B4GALNT3: variants seen among roughly 807,000 people sequenced by gnomAD.
B4GALNT3 encodes the protein beta-1,4-N-acetylgalactosaminyltransferase 3.
A neutral mutation model predicts 120.2 loss-of-function variants in B4GALNT3; 86 were observed. That is an observed-to-expected ratio of 0.72 (90% CI 0.60 to 0.86). The LOEUF (loss-of-function observed/expected upper bound fraction) is 0.86. Ranked by LOEUF, B4GALNT3 falls within the 40% of genes least tolerant of loss-of-function variation. The pLI is 0.00. For missense variants in B4GALNT3, 1,167 were observed against 1,298.9 expected (o/e 0.90, Z 1.56); for synonymous variants, 518 against 510.4 (o/e 1.01, Z -0.20).
At chr12:542,385 AG>A (rs953195793) in intron 3 of B4GALNT3, among the ~76,000 whole-genome samples, 10 of 152,100 alleles carry the variant, frequency 6.6e-5, no homozygotes, top group African/African-American at 2.4e-4. Flanking sequence ...TCCCTCCTAC[AG>A]ATCTCTTGTA....
chr12:545,181 A>G, intron 5 of B4GALNT3, 188 bp from the exon 6 acceptor site: 1 of 1,443,880 alleles, frequency 6.9e-7, no homozygotes, highest in Middle Eastern at 1.9e-4. Flanking sequence ...GAACCAGCTC[A>G]TCTCTCCATA....
At chr12:535,702 G>T (rs923343938) in intron 2 of B4GALNT3, among the ~76,000 whole-genome samples, 1 of 151,946 alleles carries the variant, frequency 6.6e-6, no homozygotes, top group Admixed American at 6.6e-5. Flanking sequence ...ACAGACTTGT[G>T]GTGGAGCATT....
rs550548177 is a variant in B4GALNT3, at chr12:462,001, T to C, written c.169+1456T>C. Among the ~76,000 whole-genome samples the C allele has an allele frequency of 9.3e-4, 141 of 152,208 alleles. 1 individual carries two copies. Among genetic ancestry groups the C allele is most frequent in the African/African-American group, 3.3e-3 (138 of 41,514 alleles). ...TTCCAGGGCCAGAGAGCTCAGCACA[T>C]CACCAGGAAGCCATAGCTTCCACCC... On this transcript the variant is annotated intron_variant, in intron 1 of 19. Coordinates refer to ENST00000266383, the MANE Select transcript of B4GALNT3 (RefSeq NM_173593.4).
At chr12:512,330 ACCTTCCTTCCACCTTCCACCTTCCG>A (rs1946591075) in intron 1 of B4GALNT3, among the ~76,000 whole-genome samples, 1 of 69,098 alleles carries the variant, frequency 1.4e-5, no homozygotes, top group African/African-American at 6.7e-5. Flanking sequence ...TCCACCTTCC[ACCTTCCTTCCACCTTCCACCTTCCG>A]CCTTCGACCT....
In B4GALNT3 at chr12:524,451, G is replaced by C. The variant is rs182414249; in HGVS notation, c.170-10715G>C. On this transcript the variant is annotated intron_variant, in intron 1 of 19. Coordinates refer to ENST00000266383, the MANE Select transcript of B4GALNT3 (RefSeq NM_173593.4). The stretch of plus-strand genomic sequence containing the variant: ...CTTAAAAGAGTGTGTTTTTCCAAAA[G>C]GAGCCGTCAGGTGGGGAGAGGGCAG... Among the ~76,000 whole-genome samples the C allele has an allele frequency of 1.1e-3, 168 of 152,184 alleles. 1 individual carries two copies. Among genetic ancestry groups the C allele is most frequent in the Non-Finnish European group, 2.1e-3 (141 of 67,984 alleles).
intron 1 of B4GALNT3, among the ~76,000 whole-genome samples, chr12:509,509 CTT>C (rs1254935736): frequency 6.6e-6 from 1 of 152,206 alleles, no homozygotes; most frequent in Non-Finnish European, 1.5e-5. Flanking sequence ...CTCAGGGTGT[CTT>C]TACTCTCCCC....
chr12:537,785 G>A (rs1181955556), intron 3 of B4GALNT3, among the ~76,000 whole-genome samples: 4 of 152,150 alleles, frequency 2.6e-5, no homozygotes, highest in African/African-American at 7.2e-5. Flanking sequence ...TGGGTGGTAC[G>A]GGCTAGCTCA....
rs375825947 is a variant in B4GALNT3 at position 466,121 on chromosome 12, C to G, written c.169+5576C>G. 4.3e-3 allele frequency among the ~76,000 whole-genome samples: 660 copies of G among 152,038 alleles called. 11 individuals are homozygous for G. The highest frequency in any genetic ancestry group is 0.015 in the African/African-American group (636 of 41,434). On this transcript the variant is annotated intron_variant, in intron 1 of 19. Transcript: ENST00000266383. The stretch of plus-strand genomic sequence containing the variant: ...CCCCTGCTTGATGGTGCTGGGGCTG[C>G]CTGCCACTCCCTGTCCTGGGAGTTG...
At chr12:541,505 A>G (rs1202787759) in intron 3 of B4GALNT3, among the ~76,000 whole-genome samples, 1 of 152,134 alleles carries the variant, frequency 6.6e-6, no homozygotes, top group African/African-American at 2.4e-5. Context: ...TGCCAGATAC[A>G]AAGTCTCCAA....
At chr12:477,818 C>T (rs1332391870) in intron 1 of B4GALNT3, among the ~76,000 whole-genome samples, 1 of 152,070 alleles carries the variant, frequency 6.6e-6, no homozygotes, top group Admixed American at 6.5e-5. Flanking sequence ...TTGATGAGGG[C>T]AGATATTTTC....
At chr12:511,241 ACCTTCCGCCTTCTG>A (rs1198220832) in intron 1 of B4GALNT3, among the ~76,000 whole-genome samples, 4 of 141,722 alleles carry the variant, frequency 2.8e-5, no homozygotes, top group Admixed American at 7.1e-5. Flanking sequence ...TCCACCTTCC[ACCTTCCGCCTTCTG>A]CCTTCCGCCT....
chr12:545,234 C>T, intron 5 of B4GALNT3, 135 bp from the exon 6 acceptor site: 1 of 1,461,984 alleles, frequency 6.8e-7, no homozygotes, highest in Non-Finnish European at 9.0e-7. Context: ...GATGTAGAAA[C>T]CCCCACTTTA....
intron 1 of B4GALNT3, among the ~76,000 whole-genome samples, chr12:493,592 GTTTT>G (rs34112834): frequency 0.012 from 1,800 of 147,146 alleles, 17 homozygotes; most frequent in African/African-American, 0.017. Context: ...AAATATAATG[GTTTT>G]TTTTTTTTTT....
At chr12:490,723 G>C (rs1946332382) in intron 1 of B4GALNT3, among the ~76,000 whole-genome samples, 1 of 120,024 alleles carries the variant, frequency 8.3e-6, no homozygotes, top group African/African-American at 3.4e-5. Context: ...GCGAGACACT[G>C]TCTCAAAAAA....
At chr12:541,770 CTGAGGGTGAGGCAGGAG>C (rs1335112853) in intron 3 of B4GALNT3, among the ~76,000 whole-genome samples, 2 of 151,728 alleles carry the variant, frequency 1.3e-5, no homozygotes, top group Non-Finnish European at 2.9e-5. Flanking sequence ...AAGAAAGGCC[CTGAGGGTGAGGCAGGAG>C]TGGCCAGCCA....
At chr12:476,937 T>C (rs1348155359) in intron 1 of B4GALNT3, among the ~76,000 whole-genome samples, 1 of 152,190 alleles carries the variant, frequency 6.6e-6, no homozygotes, top group African/African-American at 2.4e-5. Flanking sequence ...ATGAAATTCT[T>C]TTACCGAGCT....
intron 1 of B4GALNT3, among the ~76,000 whole-genome samples, chr12:511,314 G>GAGCTTCCACCTTCCA (rs1565597751): frequency 2.1e-4 from 3 of 14,256 alleles, no homozygotes; most frequent in African/African-American, 8.2e-4. Flanking sequence ...TCCACCTTCC[G>GAGCTTCCACCTTCCA]CCTTCTGCCT....
intron 1 of B4GALNT3, among the ~76,000 whole-genome samples, chr12:524,652 AAAG>A (rs940679535): frequency 2.7e-5 from 3 of 111,732 alleles, no homozygotes; most frequent in African/African-American, 7.8e-5. Context: ...AAAAAAAAAA[AAAG>A]AAAAAAGAAA....
At chr12:527,711 G>T (rs1946770245) in intron 1 of B4GALNT3, among the ~76,000 whole-genome samples, 1 of 152,204 alleles carries the variant, frequency 6.6e-6, no homozygotes, top group Non-Finnish European at 1.5e-5. Flanking sequence ...TCTGCTTGCA[G>T]ACACACAGCT....
Sources: gnomAD v4.1 joint callset for allele counts (sites outside exome capture counted in the v4.1 genomes callset) on GRCh38, gnomAD v4.1.1 for gene constraint, MANE v1.5 for transcripts, NCBI Gene and HGNC (gene_info 2026-07-23, HGNC 2026-07-21) for gene names.